GRAMD1B: variants seen among roughly 807,000 people sequenced by gnomAD.
GRAMD1B encodes the protein protein Aster-B.
Under a neutral mutation model 99.7 loss-of-function variants are expected in GRAMD1B, and 37 were observed. The observed-to-expected ratio is 0.37, with a 90% CI of 0.29 to 0.49. The LOEUF is 0.49. Among genes scored for constraint, GRAMD1B ranks in the 20% least tolerant of loss-of-function variants. The probability of loss-of-function intolerance (pLI) is 0.98; values close to 1 mark genes in which losing one functional copy is unlikely to be tolerated. For synonymous variants in GRAMD1B, 427 were observed against 387.6 expected (o/e 1.10, Z -1.19); for missense variants, 888 against 1,009.2 (o/e 0.88, Z 1.63).
In GRAMD1B at chr11:123,624,324, G is replaced by A. The variant is rs1025405902; in HGVS notation, c.*1729G>A. ...CTTAGAATGGCCTTTAATTCCCTGT[G>A]GCAATTACAGTTTTTGACTTTTCCA... On this transcript the variant is annotated 3_prime_UTR_variant, in exon 20 of 20. Transcript: ENST00000635736. 11 of 152,140 alleles carry A rather than the reference G, an allele frequency of 7.2e-5. No individual in the cohort carries two copies. The highest frequency in any genetic ancestry group is 1.3e-4 in the Non-Finnish European group (9 of 68,036). The allele number at this position is 152,140 out of a possible 1,614,324, so 9.4% of individuals were successfully genotyped here. A position where few individuals can be genotyped will look rare whatever the true frequency, so the allele number is the denominator to read the frequency against.
chr11:123,374,919 C>T (rs1946643747), intron 1 of GRAMD1B, among the ~76,000 whole-genome samples: 1 of 152,204 alleles, frequency 6.6e-6, no homozygotes, highest in Non-Finnish European at 1.5e-5. Flanking sequence ...TTGACCTTGG[C>T]ATTGATCCAG....
chr11:123,538,109 C>T (rs970703287), intron 2 of GRAMD1B, among the ~76,000 whole-genome samples: 6 of 152,104 alleles, frequency 3.9e-5, no homozygotes, highest in South Asian at 2.1e-4. Flanking sequence ...CTTCTTGGGA[C>T]GGGCTAAGCT....
chr11:123,499,554 C>A (rs995317271), intron 2 of GRAMD1B, among the ~76,000 whole-genome samples: 6 of 152,334 alleles, frequency 3.9e-5, no homozygotes, highest in African/African-American at 1.4e-4. Context: ...CTGTCACCAA[C>A]TTTCCAGGTT....
At chr11:123,569,165 A>C (rs912107922) in intron 2 of GRAMD1B, among the ~76,000 whole-genome samples, 2 of 152,174 alleles carry the variant, frequency 1.3e-5, no homozygotes, top group Non-Finnish European at 1.5e-5. Flanking sequence ...TTGGACCTGA[A>C]AGGCCCTTTC....
At position 123,558,659 on chromosome 11, in the gene GRAMD1B, C is replaced by T. The variant is rs375971555; in HGVS notation, c.453-18708C>T. 2.0e-5 allele frequency among the ~76,000 whole-genome samples: 3 copies of T among 152,170 alleles called. No individual in the cohort carries two copies. The East Asian group carries it at 5.8e-4, about 29-fold the overall frequency. ...CTTTCCGTGGATTAACAGAGAAGAG[C>T]CAGAAAGGCATTTCAGAAGAAGTCG... On this transcript the variant is annotated intron_variant, in intron 2 of 19. Coordinates refer to ENST00000635736, the MANE Select transcript of GRAMD1B (RefSeq NM_001387025.1).
chr11:123,399,561 A>G (rs751045350), intron 1 of GRAMD1B, among the ~76,000 whole-genome samples: 1 of 152,092 alleles, frequency 6.6e-6, no homozygotes, highest in Non-Finnish European at 1.5e-5. Flanking sequence ...ACAGTGTGCA[A>G]GAGTTCCCTT....
intron 1 of GRAMD1B, among the ~76,000 whole-genome samples, chr11:123,467,548 A>G (rs1950750935): frequency 6.6e-6 from 1 of 152,068 alleles, no homozygotes. Context: ...CAACTTTGAC[A>G]CGGGGGCAGG....
intron 18 of GRAMD1B, 67 bp downstream of exon 18, chr11:123,618,867 G>A (rs1392478020): frequency 8.3e-6 from 7 of 838,462 alleles, no homozygotes; most frequent in Admixed American, 4.0e-5. Context: ...CTGTCTCCCA[G>A]TCTCCTTGGG....
intron 2 of GRAMD1B, among the ~76,000 whole-genome samples, chr11:123,541,630 G>A (rs1224820671): frequency 1.3e-5 from 2 of 150,518 alleles, no homozygotes; most frequent in Admixed American, 6.6e-5. Context: ...TTAACCTTTG[G>A]TAATACATGT....
At chr11:123,539,336 T>TCA (rs1347088569) in intron 2 of GRAMD1B, among the ~76,000 whole-genome samples, 1 of 152,172 alleles carries the variant, frequency 6.6e-6, no homozygotes, top group Non-Finnish European at 1.5e-5. Flanking sequence ...ATGTGGTGGC[T>TCA]CACGCCTGTA....
intron 1 of GRAMD1B, among the ~76,000 whole-genome samples, chr11:123,460,566 G>A (rs948488149): frequency 6.6e-6 from 1 of 152,168 alleles, no homozygotes; most frequent in African/African-American, 2.4e-5. Context: ...GAGTGTTAAT[G>A]ACCAGAGTTT....
chr11:123,424,671 T>C (rs1473916240), intron 1 of GRAMD1B, among the ~76,000 whole-genome samples: 3 of 152,348 alleles, frequency 2.0e-5, no homozygotes, highest in East Asian at 3.9e-4. Flanking sequence ...AAATTCTGAC[T>C]TGAAGTATTA....
chr11:123,602,250 A>G (rs546735678), intron 8 of GRAMD1B, among the ~76,000 whole-genome samples: 1 of 152,312 alleles, frequency 6.6e-6, no homozygotes, highest in African/African-American at 2.4e-5. Context: ...GTACTCTGCC[A>G]GCTGCCTGCT....
chr11:123,424,693 C>T (rs1369608558), intron 1 of GRAMD1B, among the ~76,000 whole-genome samples: 3 of 152,152 alleles, frequency 2.0e-5, no homozygotes, highest in African/African-American at 7.2e-5. Context: ...CTTAAATACC[C>T]ATTCCTCCAT....
At chr11:123,485,640 C>T (rs1404252889) in intron 2 of GRAMD1B, among the ~76,000 whole-genome samples, 1 of 151,722 alleles carries the variant, frequency 6.6e-6, no homozygotes, top group African/African-American at 2.4e-5. Flanking sequence ...ATAATTCTTC[C>T]AGGTGTCCAG....
intron 2 of GRAMD1B, among the ~76,000 whole-genome samples, chr11:123,561,292 G>A (rs1946741065): frequency 6.6e-6 from 1 of 152,160 alleles, no homozygotes; most frequent in Admixed American, 6.5e-5. Flanking sequence ...CCTCCGGCGG[G>A]GGTAGGAGCT....
chr11:123,566,705 G>T (rs1415415021), intron 2 of GRAMD1B, among the ~76,000 whole-genome samples: 2 of 152,110 alleles, frequency 1.3e-5, no homozygotes, highest in Non-Finnish European at 2.9e-5. Flanking sequence ...AGCGGAGCTT[G>T]CAGTGAGCCG....
intron 1 of GRAMD1B, among the ~76,000 whole-genome samples, chr11:123,453,755 A>G (rs1207862866): frequency 2.7e-4 from 41 of 152,220 alleles, no homozygotes; most frequent in Admixed American, 2.7e-3. Flanking sequence ...AATACCAGCA[A>G]TTGGACTCAA....
chr11:123,437,700 A>G (rs1375296486), intron 1 of GRAMD1B, among the ~76,000 whole-genome samples: 1 of 152,232 alleles, frequency 6.6e-6, no homozygotes, highest in Non-Finnish European at 1.5e-5. Context: ...TGTGCCCAGC[A>G]TGCTAGGCTA....
Sources: allele counts gnomAD v4.1 joint callset (sites outside exome capture counted in the v4.1 genomes callset), GRCh38; gene constraint gnomAD v4.1.1; transcripts MANE v1.5; gene names NCBI Gene and HGNC (gene_info 2026-07-23, HGNC 2026-07-21).